Variants in IQCM observed in about 807,000 individuals in gnomAD.
IQCM encodes the protein IQ motif containing M.
A neutral mutation model predicts 57.6 loss-of-function variants in IQCM; 45 were observed. The observed-to-expected ratio is 0.78, with a 90% confidence interval of 0.62 to 1.00. The LOEUF (loss-of-function observed/expected upper bound fraction) is 1.00, where lower values mean the gene tolerates loss of function less well. Ranked by LOEUF, IQCM falls within the 50% of genes least tolerant of loss-of-function variation. The pLI is 0.00. For missense variants in IQCM, 468 were observed against 511.6 expected (o/e 0.91, Z 0.82); for synonymous variants, 148 against 158.9 (o/e 0.93, Z 0.51).
intron 8 of IQCM, among the ~76,000 whole-genome samples, chr4:149,591,481 T>C (rs1753164767): frequency 6.6e-6 from 1 of 152,062 alleles, no homozygotes; most frequent in Non-Finnish European, 1.5e-5. Flanking sequence ...CTTTAAGTTC[T>C]AGGGTACATG....
rs1204724926 is a variant in IQCM, at chr4:149,373,658, A to G, written c.1391-21592T>C. ...TTATACAAATTTTTTTTCATTATTG[A>G]CATTATAATCTTAGGCCCAGGAATT... On this transcript the variant is annotated intron_variant, in intron 13 of 13. Coordinates refer to ENST00000636793, the MANE Select transcript of IQCM (RefSeq NM_001363507.2). Among the ~76,000 whole-genome samples the G allele has an allele frequency of 2.6e-5, 4 of 152,184 alleles. No homozygotes were observed. The East Asian group carries it at 7.7e-4, about 29-fold the overall frequency.
At chr4:149,575,089 C>T (rs1441557146) in intron 9 of IQCM, among the ~76,000 whole-genome samples, 1 of 151,928 alleles carries the variant, frequency 6.6e-6, no homozygotes, top group Non-Finnish European at 1.5e-5. Flanking sequence ...TGATTTGGAT[C>T]TGCTGCTACC....
intron 2 of IQCM, among the ~76,000 whole-genome samples, chr4:149,809,889 A>T (rs1041849994): frequency 1.3e-5 from 2 of 152,208 alleles, no homozygotes; most frequent in Admixed American, 6.5e-5. Context: ...ACCCAGATAG[A>T]TCAGATATTT....
At chr4:149,445,567 T>TA (rs1319800049) in intron 12 of IQCM, among the ~76,000 whole-genome samples, 1 of 151,764 alleles carries the variant, frequency 6.6e-6, no homozygotes, top group Admixed American at 6.6e-5. Flanking sequence ...AATGATAACT[T>TA]ACAGAGAAGC....
intron 12 of IQCM, among the ~76,000 whole-genome samples, chr4:149,518,366 A>G (rs1472678337): frequency 6.6e-6 from 1 of 152,204 alleles, no homozygotes; most frequent in Non-Finnish European, 1.5e-5. Context: ...TCCCTTACTC[A>G]CGAATCTACC....
chr4:149,640,497 C>T (rs559044165), intron 7 of IQCM, among the ~76,000 whole-genome samples: 1 of 152,290 alleles, frequency 6.6e-6, no homozygotes, highest in South Asian at 2.1e-4. Context: ...GTTTCCTCTA[C>T]CATTTTAGAA....
chr4:149,798,080 T>C (rs912491679), intron 2 of IQCM, among the ~76,000 whole-genome samples: 1 of 152,014 alleles, frequency 6.6e-6, no homozygotes, highest in African/African-American at 2.4e-5. Flanking sequence ...ACTACTTTTG[T>C]CATAAGTAGA....
intron 8 of IQCM, among the ~76,000 whole-genome samples, chr4:149,588,612 A>G (rs190736855): frequency 6.6e-6 from 1 of 151,858 alleles, no homozygotes; most frequent in African/African-American, 2.4e-5. Context: ...TGATGACTTT[A>G]TAAGACGAGG....
At chr4:149,481,696 G>GTTTTTTTTTTTTTTTTTTTTTTTTTTTTT (rs1197852884) in intron 12 of IQCM, among the ~76,000 whole-genome samples, 7 of 33,602 alleles carry the variant, frequency 2.1e-4, no homozygotes, top group South Asian at 1.4e-3. Context: ...GATTCTTCCA[G>GTTTTTTTTTTTTTTTTTTTTTTTTTTTTT]TTTTGTTTTT....
rs1740117179 is a variant in IQCM at position 149,475,744 on chromosome 4, A to AT, written c.1229-42188_1229-42187insA. Among the ~76,000 whole-genome samples, 6 of 152,262 alleles carry AT rather than the reference A, an allele frequency of 3.9e-5. No individual in the cohort carries two copies. In the South Asian group the frequency reaches 1.2e-3, roughly 32 times the overall value. On this transcript the variant is annotated intron_variant, in intron 12 of 13. Coordinates refer to ENST00000636793, the MANE Select transcript of IQCM (RefSeq NM_001363507.2). The stretch of plus-strand genomic sequence containing the variant: ...CTTTGAATAACAACAAAATTAAAAA[A>AT]ATATATATCAAAGGGAAGGGAACGA...
At chr4:149,612,189 G>A (rs754068845) in intron 8 of IQCM, among the ~76,000 whole-genome samples, 29 of 151,970 alleles carry the variant, frequency 1.9e-4, no homozygotes, top group Non-Finnish European at 1.9e-4. Context: ...CCATTCCCAT[G>A]ACTCAATTAC....
At chr4:149,641,777 T>C (rs530639649) in intron 7 of IQCM, among the ~76,000 whole-genome samples, 33 of 152,284 alleles carry the variant, frequency 2.2e-4, no homozygotes, top group Middle Eastern at 3.4e-3. Context: ...ACGTGTTATA[T>C]AGCATGACTG....
At chr4:149,724,973 A>G (rs1158625183) in intron 5 of IQCM, among the ~76,000 whole-genome samples, 1 of 152,134 alleles carries the variant, frequency 6.6e-6, no homozygotes, top group Non-Finnish European at 1.5e-5. Flanking sequence ...CAGCAGAATG[A>G]CAATACAAAC....
chr4:149,707,982 C>T (rs927034717), intron 5 of IQCM, among the ~76,000 whole-genome samples: 2 of 151,932 alleles, frequency 1.3e-5, no homozygotes, highest in African/African-American at 2.4e-5. Context: ...GTGATGTTTG[C>T]AATCTTCCTT....
intron 13 of IQCM, among the ~76,000 whole-genome samples, chr4:149,401,208 G>T (rs571062647): frequency 2.6e-5 from 4 of 151,802 alleles, no homozygotes; most frequent in Admixed American, 1.3e-4. Flanking sequence ...GATGTCTAAG[G>T]CAGATGCAAA....
chr4:149,779,282 A>T (rs1427530507), intron 2 of IQCM, among the ~76,000 whole-genome samples: 1 of 152,178 alleles, frequency 6.6e-6, no homozygotes, highest in Non-Finnish European at 1.5e-5. Context: ...TAAAATTCAT[A>T]TGAAAGTCAA....
intron 5 of IQCM, among the ~76,000 whole-genome samples, chr4:149,707,010 G>A (rs114936460): frequency 6.6e-6 from 1 of 152,016 alleles, no homozygotes. Flanking sequence ...AAGAAAAGAT[G>A]TAGGAACACA....
intron 2 of IQCM, among the ~76,000 whole-genome samples, chr4:149,776,751 G>A (rs905012385): frequency 1.3e-5 from 2 of 151,962 alleles, no homozygotes; most frequent in African/African-American, 4.8e-5. Flanking sequence ...TATTCAAATT[G>A]TCTTTTAAGT....
chr4:149,575,874 C>G (rs961967054), intron 9 of IQCM, among the ~76,000 whole-genome samples: 1 of 151,314 alleles, frequency 6.6e-6, no homozygotes, highest in Non-Finnish European at 1.5e-5. Flanking sequence ...CGCATGATAT[C>G]ATGTCTAAGG....
Sources: gnomAD v4.1 joint callset for allele counts (sites outside exome capture counted in the v4.1 genomes callset) on GRCh38, gnomAD v4.1.1 for gene constraint, MANE v1.5 for transcripts, NCBI Gene and HGNC (gene_info 2026-07-23, HGNC 2026-07-21) for gene names.